DRC11L: variants seen among roughly 807,000 people sequenced by gnomAD.
DRC11L encodes dynein regulatory complex subunit 11 like, also known as dynein regulatory complex subunit like-11.
chr7:151,198,832 T>C, the DRC11L span: 5 of 399,078 alleles, frequency 1.3e-5, no homozygotes, highest in African/African-American at 2.1e-5. Context: ...ATTTGCTCCT[T>C]CATTTTCTCC....
chr7:151,198,490 G>C, the DRC11L span, among the ~76,000 whole-genome samples: 1 of 152,126 alleles, frequency 6.6e-6, no homozygotes, highest in African/African-American at 2.4e-5. Context: ...GGGAGAAATG[G>C]ATTGTTACAA....
the DRC11L span, among the ~76,000 whole-genome samples, chr7:151,200,050 GCTT>G: frequency 6.6e-6 from 1 of 152,208 alleles, no homozygotes; most frequent in Non-Finnish European, 1.5e-5. Context: ...GCTCCTGCTG[GCTT>G]TATAGCCTCC....
chr7:151,201,498 C>T, the DRC11L span, among the ~76,000 whole-genome samples: 3 of 152,210 alleles, frequency 2.0e-5, no homozygotes, highest in East Asian at 5.8e-4. The surrounding 1 kb of genome is among the most constrained non-coding windows in gnomAD (Gnocchi z 4.1). Context: ...GACATTGACA[C>T]AGTCATCCTG....
At chr7:151,204,724 T>C in the DRC11L span, 1 of 399,020 alleles carries the variant, frequency 2.5e-6, no homozygotes, top group East Asian at 3.6e-5. Context: ...GATGCGAGCC[T>C]GTACTGGAAG....
At chr7:151,200,101 G>A in the DRC11L span, among the ~76,000 whole-genome samples, 1 of 152,098 alleles carries the variant, frequency 6.6e-6, no homozygotes, top group Admixed American at 6.5e-5. Context: ...CTTCCAGCTG[G>A]GGGTGGGAAC....
At chr7:151,192,330 G>A in the DRC11L span, 224 of 399,058 alleles carry the variant, frequency 5.6e-4, no homozygotes, top group Non-Finnish European at 9.1e-4. Flanking sequence ...TCGTAGACCC[G>A]GCACAGACCC....
At chr7:151,191,632 C>T in the DRC11L span, 1 of 399,268 alleles carries the variant, frequency 2.5e-6, no homozygotes, top group East Asian at 3.6e-5. Flanking sequence ...GGCCCTGCCA[C>T]CTCACCTTCA....
At chr7:151,198,868 C>T in the DRC11L span, 8 of 399,022 alleles carry the variant, frequency 2.0e-5, no homozygotes, top group Non-Finnish European at 3.5e-5. Flanking sequence ...TCTGTCTCTA[C>T]CAGAGAATCA....
At chr7:151,200,364 G>A in the DRC11L span, 296 of 399,086 alleles carry the variant, frequency 7.4e-4, 2 homozygotes, top group Non-Finnish European at 6.9e-4. Flanking sequence ...ACCCACCATG[G>A]TGGGCAGGTT....
chr7:151,200,141 C>T, the DRC11L span, among the ~76,000 whole-genome samples: 1 of 152,190 alleles, frequency 6.6e-6, no homozygotes, highest in Non-Finnish European at 1.5e-5. Flanking sequence ...ACACAGTGCC[C>T]TTCATGGCTC....
At chr7:151,205,090 G>C in the DRC11L span, among the ~76,000 whole-genome samples, 1 of 152,198 alleles carries the variant, frequency 6.6e-6, no homozygotes, top group African/African-American at 2.4e-5. Context: ...TGGGGGTTTG[G>C]GGGAAAGCCA....
At chr7:151,195,574 C>G in the DRC11L span, 2 of 389,196 alleles carry the variant, frequency 5.1e-6, no homozygotes, top group South Asian at 1.4e-4. Flanking sequence ...CCTCATCTTG[C>G]CTTTGGAGCC....
At chr7:151,203,531 G>C in the DRC11L span, 1 of 399,052 alleles carries the variant, frequency 2.5e-6, no homozygotes, top group Non-Finnish European at 4.4e-6. Context: ...AGCAATGTTG[G>C]GGGAGGAGGG....
chr7:151,195,548 C>G, the DRC11L span: 552 of 400,044 alleles, frequency 1.4e-3, no homozygotes, highest in African/African-American at 0.01. Context: ...GTGCCCTCCC[C>G]TGCCCAGCCC....
At chr7:151,204,392 G>A in the DRC11L span, 65 of 200,472 alleles carry the variant, frequency 3.2e-4, no homozygotes, top group Non-Finnish European at 5.4e-4. Context: ...TACCCCACCC[G>A]ACCCCAAGCT....
the DRC11L span, among the ~76,000 whole-genome samples, chr7:151,200,094 C>T: frequency 1.3e-5 from 2 of 152,290 alleles, no homozygotes; most frequent in African/African-American, 4.8e-5. Context: ...GCAGCCCCTT[C>T]CAGCTGGGGG....
the DRC11L span, chr7:151,192,467 G>A: frequency 2.5e-6 from 1 of 399,322 alleles, no homozygotes; most frequent in Non-Finnish European, 4.4e-6. Context: ...CTCCAGGGGA[G>A]GAGGGAGGAG....
At chr7:151,196,560 C>T in the DRC11L span, 5 of 399,586 alleles carry the variant, frequency 1.3e-5, no homozygotes, top group African/African-American at 6.2e-5. Context: ...TGTATCTGAC[C>T]GCAGAGAATG....
the DRC11L span, chr7:151,204,670 C>T: frequency 1.3e-5 from 5 of 399,040 alleles, no homozygotes; most frequent in Non-Finnish European, 2.2e-5. Context: ...TGGTCATAGA[C>T]GGTGTCGAAG....
Sources: gnomAD v4.1 joint callset for allele counts (sites outside exome capture counted in the v4.1 genomes callset) on GRCh38, gnomAD v4.1.1 for gene constraint, Gnocchi (gnomAD v3.1) non-coding constraint, MANE v1.5 for transcripts, NCBI Gene and HGNC (gene_info 2026-07-23, HGNC 2026-07-21) for gene names.